GRIA4: variants seen among roughly 807,000 people sequenced by gnomAD.
The protein encoded by GRIA4 is glutamate ionotropic receptor AMPA type subunit 4.
GRIA4 carries 34 observed loss-of-function variants against 104.0 expected under a neutral mutation model. That is an observed-to-expected ratio of 0.33 (90% CI 0.25 to 0.44). The LOEUF (loss-of-function observed/expected upper bound fraction) is 0.44. GRIA4 is among the 20% of genes least tolerant of loss of function. The pLI is 1.00. For missense variants in GRIA4, 750 were observed against 1,096.5 expected (o/e 0.68, Z 4.46); for synonymous variants, 386 against 381.9 (o/e 1.01, Z -0.13).
intron 4 of GRIA4, among the ~76,000 whole-genome samples, chr11:105,777,239 A>G (rs1310514288): frequency 1.3e-5 from 2 of 152,186 alleles, no homozygotes; most frequent in Non-Finnish European, 2.9e-5. Flanking sequence ...AAATCAGGGG[A>G]AAAACATGTT....
intron 4 of GRIA4, among the ~76,000 whole-genome samples, chr11:105,756,539 A>G (rs912395014): frequency 6.6e-5 from 10 of 152,120 alleles, no homozygotes; most frequent in African/African-American, 1.9e-4. Context: ...AAAAGTAAGA[A>G]TCTTTCAGGT....
intron 3 of GRIA4, among the ~76,000 whole-genome samples, chr11:105,709,267 T>C (rs534981875): frequency 1.3e-5 from 2 of 152,188 alleles, no homozygotes; most frequent in South Asian, 2.1e-4. Context: ...CAAATTGATA[T>C]AAGTAAATAA....
chr11:105,911,049 TG>T (rs1275524409), intron 10 of GRIA4, among the ~76,000 whole-genome samples: 3 of 152,144 alleles, frequency 2.0e-5, no homozygotes, highest in Admixed American at 1.3e-4. Flanking sequence ...AAGATTTTAA[TG>T]AGCATGATTT....
chr11:105,683,774 T>C (rs561396197), intron 3 of GRIA4, among the ~76,000 whole-genome samples: 1 of 152,270 alleles, frequency 6.6e-6, no homozygotes, highest in South Asian at 2.1e-4. Context: ...TTCACTACAA[T>C]ACCCTTATGA....
intron 7 of GRIA4, among the ~76,000 whole-genome samples, chr11:105,901,953 C>T (rs555050615): frequency 5.1e-4 from 78 of 151,968 alleles, no homozygotes; most frequent in African/African-American, 1.7e-3. Context: ...TCTTGCCTTA[C>T]GAAAAAAAGA....
intron 4 of GRIA4, among the ~76,000 whole-genome samples, chr11:105,767,197 T>TCA (rs1418129663): frequency 1.3e-5 from 2 of 152,086 alleles, no homozygotes; most frequent in Non-Finnish European, 2.9e-5. Context: ...GCATGTGTGA[T>TCA]CACTGAATAG....
intron 4 of GRIA4, among the ~76,000 whole-genome samples, chr11:105,807,246 G>A (rs896189885): frequency 1.3e-5 from 2 of 151,876 alleles, no homozygotes; most frequent in Non-Finnish European, 2.9e-5. Context: ...CGATAACATT[G>A]TGTATTTAAC....
At chr11:105,959,234 C>T (rs764861975) in intron 14 of GRIA4, among the ~76,000 whole-genome samples, 1 of 152,174 alleles carries the variant, frequency 6.6e-6, no homozygotes, top group Non-Finnish European at 1.5e-5. Context: ...CTCCCTATCT[C>T]CTTCTGGTAC....
chr11:105,787,492 T>TG (rs1329473753), intron 4 of GRIA4, among the ~76,000 whole-genome samples: 1 of 147,704 alleles, frequency 6.8e-6, no homozygotes, highest in Non-Finnish European at 1.5e-5. Flanking sequence ...TTTTTTTTTT[T>TG]TGAGATGGAG....
Position 105,878,839 on chromosome 11 carries a change from G to C in GRIA4, c.673-8680G>C, listed in dbSNP as rs187053407. Among the ~76,000 whole-genome samples the C allele has an allele frequency of 6.4e-3, 976 of 152,252 alleles. 20 individuals are homozygous for C. The highest frequency in any genetic ancestry group is 0.022 in the African/African-American group (907 of 41,538). Reference sequence around the variant, plus strand: ...TAGCTTGCTGGGCTCCGTAGGGGTGGGATCCACTGAGCTAGACAACTTGGC... The same window carrying C: ...TAGCTTGCTGGGCTCCGTAGGGGTGCGATCCACTGAGCTAGACAACTTGGC... On this transcript the variant is annotated intron_variant, in intron 5 of 16. Transcript: ENST00000282499.
intron 5 of GRIA4, among the ~76,000 whole-genome samples, chr11:105,878,578 C>A (rs555150198): frequency 6.6e-6 from 1 of 152,250 alleles, no homozygotes; most frequent in Non-Finnish European, 1.5e-5. Context: ...AAGCTCATGA[C>A]TGGCACTGCT....
chr11:105,830,970 G>GCACACA (rs143570637), intron 4 of GRIA4, among the ~76,000 whole-genome samples: 2 of 148,656 alleles, frequency 1.3e-5, no homozygotes, highest in African/African-American at 4.9e-5. Context: ...ATACACACAC[G>GCACACA]CACACACACA....
intron 4 of GRIA4, among the ~76,000 whole-genome samples, chr11:105,804,095 G>C (rs939117224): frequency 1.1e-4 from 16 of 151,792 alleles, no homozygotes; most frequent in African/African-American, 3.9e-4. Flanking sequence ...GCTTGATGCT[G>C]CATTTATTTA....
chr11:105,755,817 T>C (rs1452012270), intron 4 of GRIA4, among the ~76,000 whole-genome samples: 1 of 152,156 alleles, frequency 6.6e-6, no homozygotes, highest in African/African-American at 2.4e-5. Context: ...AGCTGGATCA[T>C]CCATCTTCTG....
At chr11:105,724,709 T>C (rs903097133) in intron 3 of GRIA4, among the ~76,000 whole-genome samples, 1 of 152,106 alleles carries the variant, frequency 6.6e-6, no homozygotes, top group Non-Finnish European at 1.5e-5. Context: ...GAGTGAAGAA[T>C]ACACTAAAAG....
rs368194999 is a variant in GRIA4 at position 105,878,231 on chromosome 11, A to T, written c.673-9288A>T. ...CACTCCAGACCCTGTTTGCCTGGGT[A>T]TCACCAGTGGAGGCTGCAGAATAGC... On this transcript the variant is annotated intron_variant, in intron 5 of 16. Transcript: ENST00000282499. Among the ~76,000 whole-genome samples the T allele has an allele frequency of 3.9e-5, 6 of 152,278 alleles. No homozygotes were observed. The East Asian group carries it at 1.2e-3, about 29-fold the overall frequency.
At chr11:105,658,985 T>A (rs982267586) in intron 3 of GRIA4, among the ~76,000 whole-genome samples, 1 of 151,910 alleles carries the variant, frequency 6.6e-6, no homozygotes, top group Non-Finnish European at 1.5e-5. Context: ...TAAACAGACA[T>A]AAATCTACAT....
At chr11:105,786,173 A>T (rs1941959016) in intron 4 of GRIA4, among the ~76,000 whole-genome samples, 1 of 150,676 alleles carries the variant, frequency 6.6e-6, no homozygotes, top group Non-Finnish European at 1.5e-5. Flanking sequence ...AAAGGAAAGA[A>T]AAAGGAAGTA....
intron 3 of GRIA4, among the ~76,000 whole-genome samples, chr11:105,725,352 C>T (rs1424845760): frequency 9.2e-5 from 14 of 152,082 alleles, no homozygotes; most frequent in Admixed American, 8.5e-4. Flanking sequence ...GAACATTGCA[C>T]AAATTCACAA....
Sources: allele counts gnomAD v4.1 joint callset (sites outside exome capture counted in the v4.1 genomes callset), GRCh38; gene constraint gnomAD v4.1.1; transcripts MANE v1.5; gene names NCBI Gene and HGNC (gene_info 2026-07-23, HGNC 2026-07-21).